Variants in SOX5 observed in about 807,000 individuals in gnomAD.
SOX5 encodes transcription factor SOX-5.
In SOX5, 9 loss-of-function variants were observed where a neutral mutation model predicts 92.0. The observed-to-expected ratio is 0.10, with a 90% CI of 0.06 to 0.17. SOX5 has a LOEUF of 0.17. Among genes scored for constraint, SOX5 ranks in the 10% least tolerant of loss-of-function variants. The probability of loss-of-function intolerance (pLI) is 1.00; values close to 1 mark genes in which losing one functional copy is unlikely to be tolerated. For missense variants in SOX5, 642 were observed against 944.5 expected, an observed-to-expected ratio of 0.68 and a Z score of 4.20; for synonymous variants, 344 against 336.3, an observed-to-expected ratio of 1.02 and a Z score of -0.25.
chr12:24,434,497 G>A (rs1319041125), intron 1 of SOX5, among the ~76,000 whole-genome samples: 1 of 152,086 alleles, frequency 6.6e-6, no homozygotes, highest in African/African-American at 2.4e-5. Context: ...TACTCCTAAA[G>A]TTTTAGTCTG....
intron 2 of SOX5, among the ~76,000 whole-genome samples, chr12:24,339,013 T>C (rs1952248293): frequency 1.3e-5 from 2 of 152,314 alleles, no homozygotes; most frequent in South Asian, 4.1e-4. Flanking sequence ...GTCAATACTA[T>C]ATGCCAGGTA....
At chr12:23,809,883 A>G (rs923669864) in intron 3 of SOX5, among the ~76,000 whole-genome samples, 1 of 152,016 alleles carries the variant, frequency 6.6e-6, no homozygotes, top group Non-Finnish European at 1.5e-5. Context: ...CCACTAATGA[A>G]ATAGATCCCA....
intron 2 of SOX5, among the ~76,000 whole-genome samples, chr12:23,853,279 T>C (rs1369775300): frequency 6.6e-6 from 1 of 151,384 alleles, no homozygotes; most frequent in Non-Finnish European, 1.5e-5. Context: ...CAAAATTGAA[T>C]TGTGAAAATA....
At chr12:23,639,769 G>T (rs1478597258) in intron 8 of SOX5, among the ~76,000 whole-genome samples, 1 of 152,132 alleles carries the variant, frequency 6.6e-6, no homozygotes, top group Non-Finnish European at 1.5e-5. Flanking sequence ...AACTCAGCTG[G>T]CCTTTCAGAA....
intron 4 of SOX5, among the ~76,000 whole-genome samples, chr12:24,026,607 A>C (rs1252443439): frequency 1.3e-5 from 2 of 151,800 alleles, no homozygotes; most frequent in African/African-American, 4.8e-5. Context: ...AGCAAAAAAA[A>C]AAAAAACAAA....
chr12:23,673,884 A>G (rs927231514), intron 6 of SOX5, among the ~76,000 whole-genome samples: 10 of 152,126 alleles, frequency 6.6e-5, no homozygotes, highest in African/African-American at 9.7e-5. Flanking sequence ...GCACTGAATT[A>G]TATACTTTAA....
chr12:23,533,550 A>T lies in SOX5; in HGVS notation c.*669T>A, dbSNP rs910636545. The stretch of plus-strand genomic sequence containing the variant: ...GTGTGCAATAGATAAAGTCCTCTAA[A>T]GAAAATAATTGCTTATTTTGTGGTG... On this transcript the variant is annotated 3_prime_UTR_variant, in exon 15 of 15. Transcript: ENST00000451604. 1.3e-5 allele frequency: 2 copies of T among 155,466 alleles called. No individual in the cohort carries two copies. Among genetic ancestry groups the T allele is most frequent in the African/African-American group, 4.8e-5 (2 of 41,470 alleles). 9.6% of individuals were successfully genotyped at this position (155,466 alleles called of 1,614,324 possible). A position where few individuals can be genotyped will look rare whatever the true frequency, so the allele number is the denominator to read the frequency against.
At chr12:23,600,522 CATATATATATAT>C (rs371480644) in intron 9 of SOX5, among the ~76,000 whole-genome samples, 941 of 39,816 alleles carry the variant, frequency 0.024, 86 homozygotes, top group Admixed American at 0.17. Context: ...GGGGGGGGTG[CATATATATATAT>C]ATATATATAT....
At chr12:24,502,246 A>G (rs1466320304) in intron 1 of SOX5, among the ~76,000 whole-genome samples, 1 of 152,244 alleles carries the variant, frequency 6.6e-6, no homozygotes, top group African/African-American at 2.4e-5. Flanking sequence ...GCCAATTCCA[A>G]CAATGGGTCA....
At chr12:23,797,007 CTA>C (rs1318855240) in intron 3 of SOX5, among the ~76,000 whole-genome samples, 1 of 150,598 alleles carries the variant, frequency 6.6e-6, no homozygotes, top group Non-Finnish European at 1.5e-5. Context: ...AAATTAGTAA[CTA>C]TTTTTATATG....
At chr12:24,338,203 T>C (rs1331264974) in intron 2 of SOX5, among the ~76,000 whole-genome samples, 1 of 152,200 alleles carries the variant, frequency 6.6e-6, no homozygotes, top group Non-Finnish European at 1.5e-5. Flanking sequence ...ATTTATTTTA[T>C]AGCTATCATA....
rs553836121 is a variant in SOX5, at chr12:23,784,239, G to A, written c.482-28515C>T. 5.3e-4 allele frequency among the ~76,000 whole-genome samples: 80 copies of A among 152,202 alleles called. 1 individual carries two copies. The highest frequency in any genetic ancestry group is 1.7e-3 in the African/African-American group (69 of 41,512). ...ATGAAATCTCATAGGCTTCTCCTTA[G>A]CAAAATGAGGAACTGGATAATAAAA... On this transcript the variant is annotated intron_variant, in intron 3 of 14. Transcript: ENST00000451604.
intron 3 of SOX5, among the ~76,000 whole-genome samples, chr12:24,226,488 T>A (rs1962011545): frequency 6.6e-6 from 1 of 151,640 alleles, no homozygotes; most frequent in Admixed American, 6.6e-5. Flanking sequence ...TTATTTATTT[T>A]GAGATAGAAT....
chr12:23,823,922 C>A (rs913754924), intron 3 of SOX5, among the ~76,000 whole-genome samples: 3 of 152,162 alleles, frequency 2.0e-5, no homozygotes, highest in South Asian at 2.1e-4. Context: ...TTGATACTTG[C>A]GTATGCTTCA....
chr12:24,286,779 T>G (rs11047350), intron 2 of SOX5, among the ~76,000 whole-genome samples: 21,191 of 152,214 alleles, frequency 0.14, 1,692 homozygotes, highest in Middle Eastern at 0.23. Context: ...TGGCATAAAC[T>G]AAAGGAAGCC....
chr12:24,264,206 T>A lies in SOX5; in HGVS notation c.-77+13010A>T, dbSNP rs1193043874. ...CTGTCCAGTTTAGCCTATTCTTTTGTATTCCAATGGCATTAGATAGATATC... is the reference window on the plus strand; with the variant it reads ...CTGTCCAGTTTAGCCTATTCTTTTGAATTCCAATGGCATTAGATAGATATC... On this transcript the variant is annotated intron_variant, in intron 3 of 4. Transcript: ENST00000446891. Among the ~76,000 whole-genome samples, 3 of 152,340 alleles carry A rather than the reference T, an allele frequency of 2.0e-5. No individual in the cohort carries two copies. The East Asian group carries it at 5.8e-4, about 29-fold the overall frequency.
At chr12:24,355,695 C>T (rs1954750482) in intron 2 of SOX5, among the ~76,000 whole-genome samples, 1 of 152,106 alleles carries the variant, frequency 6.6e-6, no homozygotes, top group Non-Finnish European at 1.5e-5. Context: ...CAAAACTGTT[C>T]ATTATGAAAA....
At chr12:24,116,699 G>A (rs1407303758) in intron 4 of SOX5, among the ~76,000 whole-genome samples, 2 of 152,066 alleles carry the variant, frequency 1.3e-5, no homozygotes, top group East Asian at 1.9e-4. Flanking sequence ...TAGAAGTATG[G>A]AGAAGAAATC....
intron 13 of SOX5, among the ~76,000 whole-genome samples, chr12:23,537,372 AACTT>A (rs1266640762): frequency 6.6e-6 from 1 of 152,150 alleles, no homozygotes; most frequent in African/African-American, 2.4e-5. Context: ...TAGATGGACT[AACTT>A]AGCCAGGGTC....
Sources: gnomAD v4.1 joint callset for allele counts (sites outside exome capture counted in the v4.1 genomes callset) on GRCh38, gnomAD v4.1.1 for gene constraint, MANE v1.5 for transcripts, NCBI Gene and HGNC (gene_info 2026-07-23, HGNC 2026-07-21) for gene names.